DAAM2: variants seen among roughly 807,000 people sequenced by gnomAD.
The protein encoded by DAAM2 is dishevelled associated activator of morphogenesis 2, also known as disheveled-associated activator of morphogenesis 2.
Under a neutral mutation model 120.7 loss-of-function variants are expected in DAAM2, and 39 were observed. That is an observed-to-expected ratio of 0.32 (90% CI 0.25 to 0.42). The LOEUF is 0.42. Ranked by LOEUF, DAAM2 falls within the 10% of genes least tolerant of loss-of-function variation. DAAM2 has a pLI of 1.00. For synonymous variants in DAAM2, 488 were observed against 524.9 expected (o/e 0.93, Z 0.96); for missense variants, 1,283 against 1,401.7 (o/e 0.92, Z 1.35).
chr6:39,840,988 A>G (rs1484571086), intron 1 of DAAM2, among the ~76,000 whole-genome samples: 3 of 10,820 alleles, frequency 2.8e-4, no homozygotes, highest in African/African-American at 7.9e-4. Context: ...CTCCAGGAGG[A>G]GGGGATCTGG....
intron 1 of DAAM2, among the ~76,000 whole-genome samples, chr6:39,847,736 A>G (rs1358212002): frequency 6.6e-6 from 1 of 151,958 alleles, no homozygotes; most frequent in African/African-American, 2.4e-5. Flanking sequence ...TTCTACCCAG[A>G]CACACAGACT....
chr6:39,897,346 CT>C, intron 21 of DAAM2, 64 bp downstream of exon 21: 1 of 1,085,622 alleles, frequency 9.2e-7, no homozygotes, highest in Non-Finnish European at 1.4e-6. Context: ...TTACTTTCCT[CT>C]TTTGGGGTCT....
chr6:39,811,174 A>AGTATGTGTGT lies in DAAM2; in HGVS notation c.-57+18711_-57+18712insATGTGTGTGT, dbSNP rs1337293751. ...ATTTGTAAGCCTGTAAACTGAAGGG[A>AGTATGTGTGT]GTGTGTGTGTGTGTGTGTGTGTGTG... On this transcript the variant is annotated intron_variant, in intron 1 of 24. Transcript: ENST00000274867. Among the ~76,000 whole-genome samples the AGTATGTGTGT allele has an allele frequency of 2.1e-4, 31 of 146,560 alleles. 1 individual carries two copies. The highest frequency in any genetic ancestry group is 7.9e-4 in the African/African-American group (31 of 39,154).
chr6:39,868,483 C>T (rs918497438), intron 6 of DAAM2: 2 of 294,622 alleles, frequency 6.8e-6, no homozygotes, highest in African/African-American at 2.1e-5. Flanking sequence ...AAAGCAGTGT[C>T]CATACCATAA....
At chr6:39,862,805 C>CAAAAAAAAAA (rs60238956) in intron 3 of DAAM2, 6 of 50,660 alleles carry the variant, frequency 1.2e-4, no homozygotes, top group Non-Finnish European at 1.4e-4. Flanking sequence ...AACTCCATCT[C>CAAAAAAAAAA]AAAAAAAAAA....
intron 17 of DAAM2, 121 bp downstream of exon 17, chr6:39,888,884 G>C: frequency 1.5e-6 from 1 of 655,462 alleles, no homozygotes; most frequent in Non-Finnish European, 2.5e-6. Context: ...AAGAGTTAGG[G>C]AGAAGGTTTA....
At chr6:39,793,324 C>T (rs1203929472) in intron 1 of DAAM2, among the ~76,000 whole-genome samples, 1 of 150,550 alleles carries the variant, frequency 6.6e-6, no homozygotes, top group Non-Finnish European at 1.5e-5. Flanking sequence ...AAGATGCAAG[C>T]TCCTAACATA....
At chr6:39,817,719 A>C (rs1312097988) in intron 1 of DAAM2, among the ~76,000 whole-genome samples, 1 of 152,186 alleles carries the variant, frequency 6.6e-6, no homozygotes, top group Non-Finnish European at 1.5e-5. Flanking sequence ...CTGATGTTGC[A>C]GCTCAAGACT....
intron 21 of DAAM2, among the ~76,000 whole-genome samples, chr6:39,897,760 T>G (rs1381728524): frequency 1.3e-5 from 2 of 152,184 alleles, no homozygotes; most frequent in Non-Finnish European, 2.9e-5. Flanking sequence ...TACTATTATA[T>G]GAGCAAAGGG....
At chr6:39,810,479 T>C (rs1013593600) in intron 1 of DAAM2, among the ~76,000 whole-genome samples, 2 of 152,236 alleles carry the variant, frequency 1.3e-5, no homozygotes, top group African/African-American at 4.8e-5. Context: ...CCCTGGTTGC[T>C]GTGGGTGCTC....
chr6:39,819,426 G>A (rs1178664860), intron 1 of DAAM2: 1 of 152,188 alleles, frequency 6.6e-6, no homozygotes, highest in African/African-American at 2.4e-5. Flanking sequence ...CCTATTCATT[G>A]TTGTGAAGTT....
In DAAM2 at chr6:39,865,170, G is replaced by A. The variant is rs559458366; in HGVS notation, c.428+96G>A. ...CTGTGCAGTGCTCTGCTCCCATGCC[G>A]GTCCTCCTGGCCAACTCTGCCTCAC... On this transcript the variant is annotated intron_variant, in intron 5 of 24. Coordinates refer to ENST00000274867, the MANE Select transcript of DAAM2 (RefSeq NM_001201427.2). 83 of 750,114 alleles carry A rather than the reference G, an allele frequency of 1.1e-4. No homozygotes were observed. The South Asian group carries it at 1.2e-3, about 11-fold the overall frequency. The allele number at this position is 750,114 out of a possible 1,614,324, so 46.5% of individuals were successfully genotyped here.
At chr6:39,845,862 C>T (rs1311919756) in intron 1 of DAAM2, among the ~76,000 whole-genome samples, 1 of 152,014 alleles carries the variant, frequency 6.6e-6, no homozygotes, top group Non-Finnish European at 1.5e-5. Flanking sequence ...TGTGAGTGCC[C>T]TGTTCTTATC....
intron 10 of DAAM2, among the ~76,000 whole-genome samples, chr6:39,874,336 A>G (rs1764784742): frequency 6.6e-6 from 1 of 152,196 alleles, no homozygotes; most frequent in African/African-American, 2.4e-5. Flanking sequence ...TAAATGATAC[A>G]ACTTTGCAAT....
intron 11 of DAAM2, 88 bp downstream of exon 11, chr6:39,875,556 TTTCGCAACCC>T: frequency 6.8e-7 from 1 of 1,481,430 alleles, no homozygotes; most frequent in Non-Finnish European, 9.1e-7. Flanking sequence ...CTCAGCTCCC[TTTCGCAACCC>T]AGTCATCCCG....
chr6:39,886,497 G>A (rs910085990), intron 15 of DAAM2: 20 of 399,184 alleles, frequency 5.0e-5, no homozygotes, highest in Middle Eastern at 1.2e-3. Flanking sequence ...CTGCTGTCCC[G>A]GGCTGCTGCT....
rs140688269 is a variant in DAAM2 at position 39,888,226 on chromosome 6, C to T, written c.2061-453C>T. On this transcript the variant is annotated intron_variant, in intron 16 of 24. Coordinates refer to ENST00000274867, the MANE Select transcript of DAAM2 (RefSeq NM_001201427.2). ...GGACAGCTGTGTGGGAGCTGAGGCG[C>T]TGTCAGAAGACTGAGAGCGATTCTG... 44 of 156,674 alleles carry T rather than the reference C, an allele frequency of 2.8e-4. No homozygotes were observed. The East Asian group carries it at 7.8e-3, about 28-fold the overall frequency. The allele number at this position is 156,674 out of a possible 1,614,324, so 9.7% of individuals were successfully genotyped here. A position where few individuals can be genotyped will look rare whatever the true frequency, so the allele number is the denominator to read the frequency against.
At position 39,884,054 on chromosome 6, in the gene DAAM2, C is replaced by T; in HGVS notation, c.1938C>T (p.Ala646=). The T allele has an allele frequency of 6.3e-7, 1 of 1,599,266 alleles. No homozygotes were observed. Among genetic ancestry groups the T allele is most frequent in the Non-Finnish European group, 8.6e-7 (1 of 1,168,332 alleles). ...AGGATTTTGAAAAGATGTTTTCAGC[C>T]TACCAGAGGCACCAGGTAAGACCCT... ...DLEDFEKMFS[A]YQRHQKELGS... Residue 646 remains alanine (A), a synonymous_variant, in exon 15 of 25, where the codon GCC becomes GCT. Transcript: ENST00000274867.
Position 39,855,968 on chromosome 6 carries a change from CCTT to C in DAAM2, c.-56-276_-56-274del, listed in dbSNP as rs1204283278. ...CACATTCAGTGACCCCAGCCTTTGT[CCTT>C]CTCTGAGGGCAAGGAAGGGGAATAT... On this transcript the variant is annotated intron_variant, in intron 1 of 24. Coordinates refer to ENST00000274867, the MANE Select transcript of DAAM2 (RefSeq NM_001201427.2). The C allele has an allele frequency of 1.9e-5, 18 of 930,642 alleles. No individual in the cohort carries two copies. The South Asian group carries it at 6.9e-4, about 36-fold the overall frequency. The allele number at this position is 930,642 out of a possible 1,614,324, so 57.6% of individuals were successfully genotyped here. A position where few individuals can be genotyped will look rare whatever the true frequency, so the allele number is the denominator to read the frequency against.
Sources: allele counts gnomAD v4.1 joint callset (sites outside exome capture counted in the v4.1 genomes callset), GRCh38; gene constraint gnomAD v4.1.1; transcripts MANE v1.5; gene names NCBI Gene and HGNC (gene_info 2026-07-23, HGNC 2026-07-21).